ADK: variants seen among roughly 807,000 people sequenced by gnomAD.
The protein encoded by ADK is adenosine kinase.
Under a neutral mutation model 44.7 loss-of-function variants are expected in ADK, and 24 were observed. That is an observed-to-expected ratio of 0.54 (90% CI 0.39 to 0.76). The LOEUF (loss-of-function observed/expected upper bound fraction) is 0.76, where lower values mean the gene tolerates loss of function less well. Ranked by LOEUF, ADK falls within the 30% of genes least tolerant of loss-of-function variation. The pLI, the probability that ADK is intolerant of heterozygous loss-of-function variation, is 0.00. For missense variants in ADK, 321 were observed against 425.1 expected (o/e 0.76, Z 2.15); for synonymous variants, 128 against 142.6 (o/e 0.90, Z 0.73).
chr10:74,596,734 A>G (rs923291675), intron 8 of ADK, among the ~76,000 whole-genome samples: 3 of 152,046 alleles, frequency 2.0e-5, no homozygotes, highest in Non-Finnish European at 2.9e-5. Context: ...TTTTGTAGAG[A>G]TGAAGTTTTA....
intron 7 of ADK, among the ~76,000 whole-genome samples, chr10:74,576,832 C>T (rs553485120): frequency 6.6e-6 from 1 of 152,166 alleles, no homozygotes; most frequent in Non-Finnish European, 1.5e-5. Context: ...GTCATGGAGA[C>T]TACAGAATAC....
chr10:74,188,282 T>G (rs901172721), intron 1 of ADK, among the ~76,000 whole-genome samples: 11 of 151,930 alleles, frequency 7.2e-5, no homozygotes, highest in African/African-American at 2.7e-4. Context: ...GTTTAGCAAT[T>G]AATCTTTTCA....
intron 1 of ADK, among the ~76,000 whole-genome samples, chr10:74,166,954 A>C (rs549593644): frequency 4.6e-5 from 7 of 152,318 alleles, no homozygotes; most frequent in African/African-American, 1.7e-4. Context: ...TTGTGAATGC[A>C]CCTGTTAAGT....
At chr10:74,152,210 C>T (rs1841616707) in intron 1 of ADK, among the ~76,000 whole-genome samples, 1 of 152,114 alleles carries the variant, frequency 6.6e-6, no homozygotes, top group Admixed American at 6.5e-5. Context: ...TCTTCACCTC[C>T]AAAGGAAGGA....
intron 6 of ADK, among the ~76,000 whole-genome samples, chr10:74,489,673 T>A (rs1847401829): frequency 6.6e-6 from 1 of 151,002 alleles, no homozygotes; most frequent in Non-Finnish European, 1.5e-5. Context: ...AAGCAGGATG[T>A]CATAATTTTT....
Position 74,473,166 on chromosome 10 carries a change from A to T in ADK, c.556-52090A>T, listed in dbSNP as rs1183907330. Among the ~76,000 whole-genome samples, 3 of 139,488 alleles carry T rather than the reference A, an allele frequency of 2.2e-5. No individual in the cohort carries two copies. The East Asian group carries it at 6.0e-4, about 28-fold the overall frequency. The allele number at this position is 139,488 out of a possible 152,430, so 91.5% of individuals were successfully genotyped here. On this transcript the variant is annotated intron_variant, in intron 6 of 10. Coordinates refer to ENST00000539909, the MANE Select transcript of ADK (RefSeq NM_006721.4). Reference sequence around the variant, plus strand: ...CACCATGCCTAATATAAATATATATATATACACACACATACATATACACAC... The same window carrying T: ...CACCATGCCTAATATAAATATATATTTATACACACACATACATATACACAC...
chr10:74,656,470 G>A (rs1412679210), intron 9 of ADK, among the ~76,000 whole-genome samples: 1 of 152,198 alleles, frequency 6.6e-6, no homozygotes, highest in Non-Finnish European at 1.5e-5. Flanking sequence ...CAGGCTTTTG[G>A]TGGCTGTTGG....
chr10:74,694,752 G>T (rs554189084), intron 10 of ADK, among the ~76,000 whole-genome samples: 1 of 152,176 alleles, frequency 6.6e-6, no homozygotes, highest in Admixed American at 6.6e-5. Flanking sequence ...AAAGTGCTGG[G>T]ATTACAGGCA....
At chr10:74,173,435 T>A (rs777798105) in intron 1 of ADK, among the ~76,000 whole-genome samples, 3 of 150,280 alleles carry the variant, frequency 2.0e-5, no homozygotes, top group Non-Finnish European at 3.0e-5. Context: ...TTCTTTCTTT[T>A]TTTTTTTCTT....
At chr10:74,335,136 C>T (rs937331562) in intron 4 of ADK, among the ~76,000 whole-genome samples, 3 of 152,272 alleles carry the variant, frequency 2.0e-5, no homozygotes, top group East Asian at 1.9e-4. Flanking sequence ...GTCTACCTGC[C>T]CTGTGACCAA....
intron 4 of ADK, among the ~76,000 whole-genome samples, chr10:74,332,555 C>G (rs1233877736): frequency 6.6e-6 from 1 of 152,098 alleles, no homozygotes; most frequent in Non-Finnish European, 1.5e-5. Context: ...GTAAAAAGTA[C>G]CAGTGGTTTA....
At chr10:74,441,839 T>C (rs1411044477) in intron 6 of ADK, among the ~76,000 whole-genome samples, 1 of 152,132 alleles carries the variant, frequency 6.6e-6, no homozygotes, top group Non-Finnish European at 1.5e-5. Context: ...CCAAAATATG[T>C]AAGGAACTCA....
At chr10:74,187,237 AT>A (rs2132105727) in intron 1 of ADK, among the ~76,000 whole-genome samples, 1 of 152,278 alleles carries the variant, frequency 6.6e-6, no homozygotes, top group South Asian at 2.1e-4. Context: ...GTGTCAATTC[AT>A]TTCTGAAATA....
At chr10:74,424,532 TCTCAAAA>T in intron 6 of ADK, among the ~76,000 whole-genome samples, 1 of 23,654 alleles carries the variant, frequency 4.2e-5, no homozygotes, top group East Asian at 7.9e-4. Context: ...CAAAACTCCG[TCTCAAAA>T]AAAAAAAAAA....
chr10:74,567,313 C>G (rs557216725), intron 7 of ADK, among the ~76,000 whole-genome samples: 1 of 152,238 alleles, frequency 6.6e-6, no homozygotes, highest in African/African-American at 2.4e-5. Context: ...ATTGTCTTCC[C>G]TTTAACATTG....
chr10:74,204,868 G>T (rs1843530416), intron 2 of ADK, among the ~76,000 whole-genome samples: 1 of 151,724 alleles, frequency 6.6e-6, no homozygotes, highest in Non-Finnish European at 1.5e-5. Flanking sequence ...GCAAAACCCT[G>T]TGTCTACTAA....
chr10:74,212,204 G>C (rs1843840378), intron 2 of ADK, among the ~76,000 whole-genome samples: 1 of 152,160 alleles, frequency 6.6e-6, no homozygotes, highest in African/African-American at 2.4e-5. Context: ...CCAAATAGAT[G>C]CTGTTCTTTG....
At chr10:74,445,288 A>G (rs1845555759) in intron 6 of ADK, among the ~76,000 whole-genome samples, 1 of 151,974 alleles carries the variant, frequency 6.6e-6, no homozygotes, top group Admixed American at 6.6e-5. Context: ...ACAAGTGTGA[A>G]TGTCATTAAT....
intron 6 of ADK, among the ~76,000 whole-genome samples, chr10:74,481,201 G>A (rs1220741663): frequency 6.6e-6 from 1 of 151,938 alleles, no homozygotes; most frequent in Non-Finnish European, 1.5e-5. Context: ...TACTTCTTGT[G>A]GCTTATTGAG....
Sources: allele counts gnomAD v4.1 joint callset (sites outside exome capture counted in the v4.1 genomes callset), GRCh38; gene constraint gnomAD v4.1.1; transcripts MANE v1.5; gene names NCBI Gene and HGNC (gene_info 2026-07-23, HGNC 2026-07-21).